SLC39A11: variants seen among roughly 807,000 people sequenced by gnomAD.
The protein encoded by SLC39A11 is zinc transporter ZIP11.
In SLC39A11, 33 loss-of-function variants were observed where a neutral mutation model predicts 36.1. The observed-to-expected ratio is 0.91, with a 90% confidence interval of 0.69 to 1.22. The LOEUF is 1.22. Ranked by LOEUF, SLC39A11 falls within the 50% of genes most tolerant of loss-of-function variation. The pLI is 0.00. For missense variants in SLC39A11, 432 were observed against 430.3 expected, an observed-to-expected ratio of 1.00 and a Z score of -0.03; for synonymous variants, 166 against 170.3, an observed-to-expected ratio of 0.97 and a Z score of 0.20.
At position 72,754,037 on chromosome 17, in the gene SLC39A11, TATATATATACACATAC is replaced by T. The variant is rs1264519686; in HGVS notation, c.602-17334_602-17319del. On this transcript the variant is annotated intron_variant, in intron 6 of 9. Transcript: ENST00000255559. ...GTATATATGTATATATATATATATA[TATATATATACACATAC>T]ACACACACACACACACACACACACA... Among the ~76,000 whole-genome samples the T allele has an allele frequency of 4.3e-3, 510 of 119,596 alleles. 2 individuals are homozygous for T. The highest frequency in any genetic ancestry group is 0.015 in the African/African-American group (463 of 30,226). 78.5% of individuals were successfully genotyped at this position (119,596 alleles called of 152,430 possible).
At chr17:72,791,567 T>C (rs1396978098) in intron 6 of SLC39A11, among the ~76,000 whole-genome samples, 1 of 152,212 alleles carries the variant, frequency 6.6e-6, no homozygotes, top group African/African-American at 2.4e-5. Context: ...TTTTAAGTCT[T>C]TATAGACATT....
intron 7 of SLC39A11, among the ~76,000 whole-genome samples, chr17:72,665,389 G>GTTTTTTTTTTTTGTTT (rs2070690374): frequency 3.9e-5 from 3 of 76,636 alleles, no homozygotes; most frequent in South Asian, 5.2e-4. Flanking sequence ...GTTTTGAGGT[G>GTTTTTTTTTTTTGTTT]TTTTTTTTTT....
intron 6 of SLC39A11, among the ~76,000 whole-genome samples, chr17:72,766,336 A>G (rs2075758363): frequency 2.0e-5 from 3 of 152,226 alleles, no homozygotes; most frequent in African/African-American, 7.2e-5. Context: ...GTATATACTT[A>G]GAAGAAGAAT....
intron 2 of SLC39A11, among the ~76,000 whole-genome samples, chr17:73,087,514 T>C (rs2060773330): frequency 6.6e-6 from 1 of 152,192 alleles, no homozygotes; most frequent in Non-Finnish European, 1.5e-5. Context: ...AAGATACCCA[T>C]GGATGGCTCC....
rs192124368 is a variant in SLC39A11, at chr17:72,722,579, C to G, written c.671+14071G>C. On this transcript the variant is annotated intron_variant, in intron 7 of 9. Transcript: ENST00000255559. Reference sequence around the variant, plus strand: ...CTTTCTGTTTGGAAGACAGAAAGGACTTTGTTTTATCCTGAGCTCCTGATT... The same window carrying G: ...CTTTCTGTTTGGAAGACAGAAAGGAGTTTGTTTTATCCTGAGCTCCTGATT... Among the ~76,000 whole-genome samples the G allele has an allele frequency of 3.9e-5, 6 of 152,130 alleles. No homozygotes were observed. The East Asian group carries it at 9.7e-4, about 24-fold the overall frequency.
At chr17:72,776,446 C>A (rs1480428001) in intron 6 of SLC39A11, among the ~76,000 whole-genome samples, 1 of 152,114 alleles carries the variant, frequency 6.6e-6, no homozygotes, top group East Asian at 1.9e-4. Flanking sequence ...TTATACTTAT[C>A]TGTGTTATTT....
At position 72,947,758 on chromosome 17, in the gene SLC39A11, G is replaced by A; in HGVS notation, c.424C>T (p.Arg142Trp). Residue 142 changes from arginine (R) to tryptophan (W), a missense_variant, in exon 5 of 10, where the codon CGG (arginine) becomes TGG (tryptophan). By Grantham distance (101) the Arg-to-Trp change is moderately radical. Coordinates refer to ENST00000255559, the MANE Select transcript of SLC39A11 (RefSeq NM_139177.4). ...LLFPESELSIRIDKSENGEAY... is the reference protein window; with the variant it reads ...LLFPESELSIWIDKSENGEAY... ...GAAAGAAGCCCAGCTCTACCTATCC[G>A]GATGGAAAGTTCACTCTCAGGGAAG... 2.5e-6 allele frequency: 4 copies of A among 1,613,984 alleles called. No homozygotes were observed. Among genetic ancestry groups the A allele is most frequent in the East Asian group, 4.5e-5 (2 of 44,878 alleles).
intron 7 of SLC39A11, among the ~76,000 whole-genome samples, chr17:72,731,712 T>TG (rs1296274845): frequency 1.5e-5 from 2 of 133,720 alleles, no homozygotes; most frequent in African/African-American, 2.7e-5. Flanking sequence ...TGCATTCCTT[T>TG]TTTTGTTTGT....
At chr17:72,806,928 T>C (rs1282446081) in intron 6 of SLC39A11, among the ~76,000 whole-genome samples, 2 of 152,238 alleles carry the variant, frequency 1.3e-5, no homozygotes, top group African/African-American at 4.8e-5. Flanking sequence ...CTTTCTGGAA[T>C]GCTGACGAGT....
chr17:72,867,975 A>T (rs528450304), intron 5 of SLC39A11, among the ~76,000 whole-genome samples: 1 of 152,352 alleles, frequency 6.6e-6, no homozygotes, highest in South Asian at 2.1e-4. Flanking sequence ...ACTGCCAACT[A>T]ACCTCTAACT....
At chr17:72,752,678 C>G (rs1440698752) in intron 6 of SLC39A11, among the ~76,000 whole-genome samples, 2 of 152,192 alleles carry the variant, frequency 1.3e-5, no homozygotes, top group Admixed American at 6.5e-5. Flanking sequence ...CAGGCATGAG[C>G]CATGGTGCCT....
chr17:72,801,767 G>T (rs1291845511), intron 6 of SLC39A11, among the ~76,000 whole-genome samples: 1 of 151,864 alleles, frequency 6.6e-6, no homozygotes, highest in Non-Finnish European at 1.5e-5. Flanking sequence ...TTCTATAATT[G>T]GATTATGGAA....
chr17:72,731,944 C>A (rs1435226004), intron 7 of SLC39A11, among the ~76,000 whole-genome samples: 1 of 151,344 alleles, frequency 6.6e-6, no homozygotes, highest in East Asian at 1.9e-4. Flanking sequence ...TCAGGCTGGT[C>A]TCGAACTCCT....
chr17:72,898,946 G>A (rs531946339), intron 5 of SLC39A11, among the ~76,000 whole-genome samples: 3 of 152,168 alleles, frequency 2.0e-5, no homozygotes, highest in Non-Finnish European at 4.4e-5. Flanking sequence ...GACTATGCAA[G>A]ACTCAGCCTG....
intron 7 of SLC39A11, among the ~76,000 whole-genome samples, chr17:72,728,767 C>A (rs916145583): frequency 1.3e-5 from 2 of 152,170 alleles, no homozygotes; most frequent in African/African-American, 4.8e-5. Context: ...TGGGCCTGTA[C>A]TGGGTAACGC....
At chr17:72,954,003 C>T (rs940543614) in intron 4 of SLC39A11, among the ~76,000 whole-genome samples, 1 of 152,200 alleles carries the variant, frequency 6.6e-6, no homozygotes, top group South Asian at 2.1e-4. Flanking sequence ...TGACCCTGCA[C>T]GTTGCTGGCC....
chr17:72,698,936 T>C (rs1359206098), intron 7 of SLC39A11, among the ~76,000 whole-genome samples: 2 of 152,214 alleles, frequency 1.3e-5, no homozygotes, highest in Non-Finnish European at 2.9e-5. Context: ...GTTCACGCCA[T>C]TCTCCTGCCT....
At chr17:72,893,117 A>G (rs1416032177) in intron 5 of SLC39A11, among the ~76,000 whole-genome samples, 1 of 152,136 alleles carries the variant, frequency 6.6e-6, no homozygotes, top group Non-Finnish European at 1.5e-5. Flanking sequence ...CTTCCCTCCA[A>G]AAAGAAAAGA....
intron 3 of SLC39A11, among the ~76,000 whole-genome samples, chr17:73,050,158 G>A (rs1159430298): frequency 2.0e-5 from 3 of 151,930 alleles, no homozygotes; most frequent in Non-Finnish European, 4.4e-5. Context: ...GTCCGGGGGT[G>A]GAGAGTAACA....
Sources: allele counts gnomAD v4.1 joint callset (sites outside exome capture counted in the v4.1 genomes callset), GRCh38; gene constraint gnomAD v4.1.1; transcripts MANE v1.5; gene names NCBI Gene and HGNC (gene_info 2026-07-23, HGNC 2026-07-21).